The following NHSL1 variants were observed in gnomAD, a reference collection of about 807,000 sequenced individuals.
The protein encoded by NHSL1 is NHS like 1.
A neutral mutation model predicts 95.0 loss-of-function variants in NHSL1; 48 were observed. The observed-to-expected ratio is 0.51, with a 90% CI of 0.40 to 0.64. The LOEUF (loss-of-function observed/expected upper bound fraction) is 0.64. NHSL1 is among the 30% of genes least tolerant of loss of function. NHSL1 has a pLI of 0.00. For synonymous variants in NHSL1, 783 were observed against 833.9 expected, an observed-to-expected ratio of 0.94 and a Z score of 1.05; for missense variants, 1,971 against 2,077.7, an observed-to-expected ratio of 0.95 and a Z score of 1.00.
intron 1 of NHSL1, among the ~76,000 whole-genome samples, chr6:138,612,877 G>A (rs1197856772): frequency 1.3e-5 from 2 of 152,126 alleles, no homozygotes; most frequent in Non-Finnish European, 2.9e-5. Context: ...CTCTTTGATG[G>A]AGGAACACTA....
chr6:138,465,900 T>C (rs1231442833), intron 3 of NHSL1, among the ~76,000 whole-genome samples: 1 of 151,220 alleles, frequency 6.6e-6, no homozygotes, highest in Non-Finnish European at 1.5e-5. Context: ...ATTTTTGTAT[T>C]TTTAGTAGAG....
At chr6:138,687,529 G>A (rs1785601975) in intron 1 of NHSL1, among the ~76,000 whole-genome samples, 1 of 152,160 alleles carries the variant, frequency 6.6e-6, no homozygotes, top group African/African-American at 2.4e-5. Flanking sequence ...GACTGTATTT[G>A]CAAATGTACA....
intron 4 of NHSL1, among the ~76,000 whole-genome samples, chr6:138,444,696 A>G (rs1212531847): frequency 6.6e-6 from 1 of 152,100 alleles, no homozygotes; most frequent in African/African-American, 2.4e-5. Flanking sequence ...TTTAATCTCA[A>G]ATATCTTCTA....
chr6:138,466,016 G>A (rs1347076265), intron 3 of NHSL1, among the ~76,000 whole-genome samples: 2 of 146,438 alleles, frequency 1.4e-5, no homozygotes, highest in South Asian at 2.2e-4. Flanking sequence ...GTGCCACTGC[G>A]CCTGGCCCCA....
intron 1 of NHSL1, among the ~76,000 whole-genome samples, chr6:138,578,774 G>A (rs1214010167): frequency 6.6e-6 from 1 of 151,936 alleles, no homozygotes; most frequent in Non-Finnish European, 1.5e-5. Context: ...ATTCAGGTCT[G>A]GGGAAGGGAC....
intron 3 of NHSL1, among the ~76,000 whole-genome samples, chr6:138,449,052 CAAAAAAAAA>C (rs545496586): frequency 3.4e-5 from 3 of 88,440 alleles, no homozygotes; most frequent in African/African-American, 1.1e-4. Flanking sequence ...AATTCTGTCT[CAAAAAAAAA>C]AAAAAAAAAA....
rs1201391257 is a variant in NHSL1 at position 138,464,503 on chromosome 6, T to A, written c.339+8803A>T. On this transcript the variant is annotated intron_variant, in intron 3 of 7. Coordinates refer to ENST00000343505, the MANE Select transcript of NHSL1 (RefSeq NM_001144060.2). Reference sequence around the variant, plus strand: ...AATTCTGAGCCTCAGTCCACTAACATCTCAGCAGCATTTGCACTTAGCGCT... The same window carrying A: ...AATTCTGAGCCTCAGTCCACTAACAACTCAGCAGCATTTGCACTTAGCGCT... 3 of 211,896 alleles carry A rather than the reference T, an allele frequency of 1.4e-5. No individual in the cohort carries two copies. In the East Asian group the frequency reaches 3.4e-4, roughly 24 times the overall value. The allele number at this position is 211,896 out of a possible 1,614,324, so 13.1% of individuals were successfully genotyped here.
intron 1 of NHSL1, among the ~76,000 whole-genome samples, chr6:138,527,995 A>G (rs948451223): frequency 2.6e-5 from 4 of 152,158 alleles, no homozygotes; most frequent in African/African-American, 9.7e-5. Context: ...TTTTCTTTTC[A>G]TTTATGCTTC....
At chr6:138,545,579 C>T in intron 1 of NHSL1, 1 of 1,241,880 alleles carries the variant, frequency 8.1e-7, no homozygotes, top group South Asian at 1.2e-5. Context: ...ACAATCTTCC[C>T]CAAGTAGAAC....
intron 1 of NHSL1, among the ~76,000 whole-genome samples, chr6:138,541,731 C>G (rs1451303256): frequency 2.6e-5 from 4 of 152,156 alleles, no homozygotes; most frequent in African/African-American, 7.2e-5. Context: ...ATGAAAGAAG[C>G]CGAATCGATT....
chr6:138,503,610 C>T (rs546845856), upstream of NHSL1, among the ~76,000 whole-genome samples: 98 of 152,214 alleles, frequency 6.4e-4, no homozygotes, highest in African/African-American at 1.9e-3. Flanking sequence ...TGAGCGGCTA[C>T]GACTAAGACT....
At chr6:138,554,604 G>A (rs532933581) in intron 1 of NHSL1, among the ~76,000 whole-genome samples, 16 of 152,250 alleles carry the variant, frequency 1.1e-4, no homozygotes, top group Admixed American at 2.0e-4. Flanking sequence ...AGCAAGGTAC[G>A]CCAAGGTAAA....
chr6:138,621,854 G>A (rs926590093), intron 1 of NHSL1, among the ~76,000 whole-genome samples: 2 of 152,312 alleles, frequency 1.3e-5, no homozygotes, highest in African/African-American at 2.4e-5. Context: ...GAAAGGCCAC[G>A]CTTCAGGGCC....
intron 1 of NHSL1, among the ~76,000 whole-genome samples, chr6:138,688,410 C>A (rs1484378502): frequency 1.3e-5 from 2 of 151,962 alleles, no homozygotes; most frequent in African/African-American, 4.8e-5. Flanking sequence ...CTTTGGGAGG[C>A]CGAGGCGGGT....
intron 1 of NHSL1, among the ~76,000 whole-genome samples, chr6:138,539,361 T>A (rs1465318856): frequency 6.6e-6 from 1 of 152,138 alleles, no homozygotes; most frequent in Non-Finnish European, 1.5e-5. Context: ...CACAGAAAAA[T>A]ACATACCCCT....
intron 1 of NHSL1, among the ~76,000 whole-genome samples, chr6:138,642,797 G>A (rs958959370): frequency 2.0e-5 from 3 of 152,190 alleles, no homozygotes; most frequent in African/African-American, 7.2e-5. Flanking sequence ...GGTTCAGACA[G>A]TGATGTAGGC....
chr6:138,465,776 T>G (rs1778324331), intron 3 of NHSL1, among the ~76,000 whole-genome samples: 1 of 148,310 alleles, frequency 6.7e-6, no homozygotes, highest in African/African-American at 2.5e-5. Flanking sequence ...TAGGCTGGAG[T>G]GCAGGGGCAT....
chr6:138,544,946 C>T (rs1461862238), intron 1 of NHSL1, among the ~76,000 whole-genome samples: 1 of 150,592 alleles, frequency 6.6e-6, no homozygotes, highest in African/African-American at 2.4e-5. Context: ...TATTATAATC[C>T]ATATGTGGCC....
chr6:138,534,110 T>G (rs1782242609), intron 1 of NHSL1, among the ~76,000 whole-genome samples: 1 of 152,232 alleles, frequency 6.6e-6, no homozygotes, highest in Non-Finnish European at 1.5e-5. Context: ...CTGCGTATTT[T>G]CAGTCCCATT....
Sources: allele counts gnomAD v4.1 joint callset (sites outside exome capture counted in the v4.1 genomes callset), GRCh38; gene constraint gnomAD v4.1.1; transcripts MANE v1.5; gene names NCBI Gene and HGNC (gene_info 2026-07-23, HGNC 2026-07-21).